The following DCDC2 variants were observed in gnomAD, a reference collection of about 807,000 sequenced individuals.
DCDC2 encodes doublecortin domain containing 2.
In DCDC2, 40 loss-of-function variants were observed where a neutral mutation model predicts 50.2. The ratio of observed to expected loss-of-function variants is 0.80; its 90% CI spans 0.62 to 1.04. DCDC2 has a LOEUF of 1.04. Ranked by LOEUF, DCDC2 falls within the 50% of genes least tolerant of loss-of-function variation. The pLI is 0.00. For synonymous variants in DCDC2, 234 were observed against 210.6 expected, an observed-to-expected ratio of 1.11 and a Z score of -0.96; for missense variants, 570 against 581.9, an observed-to-expected ratio of 0.98 and a Z score of 0.21.
Position 24,172,989 on chromosome 6 carries a change from A to AAAAAAAAAAAATAATAAT in DCDC2, c.*1740_*1741insATTATTATTTTTTTTTTT, listed in dbSNP as rs1554142065. On this transcript the variant is annotated 3_prime_UTR_variant, in exon 10 of 10. Coordinates refer to ENST00000378454, the MANE Select transcript of DCDC2 (RefSeq NM_016356.5). The stretch of plus-strand genomic sequence containing the variant: ...GACAAGAGCAAGACTTCATCTCAAA[A>AAAAAAAAAAAATAATAAT]AATAATAATAATAATAATAATAATA... The AAAAAAAAAAAATAATAAT allele has an allele frequency of 2.1e-5, 3 of 145,952 alleles. No individual in the cohort carries two copies. In the East Asian group the frequency reaches 6.2e-4, roughly 30 times the overall value. 9.0% of individuals were successfully genotyped at this position (145,952 alleles called of 1,614,324 possible).
At chr6:24,350,039 A>G (rs1331450693) in intron 2 of DCDC2, among the ~76,000 whole-genome samples, 1 of 151,998 alleles carries the variant, frequency 6.6e-6, no homozygotes, top group East Asian at 1.9e-4. Flanking sequence ...ATAGGACCCT[A>G]TGCTTCTTTT....
In DCDC2 at chr6:24,326,194, A is replaced by AAGG. The variant is rs1187620964; in HGVS notation, c.349-24151_349-24150insCCT. The stretch of plus-strand genomic sequence containing the variant: ...GGAAGGAAGGAAGGAAGGAAGGAAG[A>AAGG]AAGGAAGGAAGGAAAGAATGAAGGA... On this transcript the variant is annotated intron_variant, in intron 2 of 9. Coordinates refer to ENST00000378454, the MANE Select transcript of DCDC2 (RefSeq NM_016356.5). Among the ~76,000 whole-genome samples, 222 of 72,402 alleles carry AAGG rather than the reference A, an allele frequency of 3.1e-3. 11 individuals are homozygous for AAGG. Among genetic ancestry groups the AAGG allele is most frequent in the Middle Eastern group, 6.2e-3 (1 of 162 alleles). 47.5% of individuals were successfully genotyped at this position (72,402 alleles called of 152,430 possible). A position where few individuals can be genotyped will look rare whatever the true frequency, so the allele number is the denominator to read the frequency against.
intron 7 of DCDC2, among the ~76,000 whole-genome samples, chr6:24,259,392 T>C (rs893894610): frequency 6.6e-6 from 1 of 152,226 alleles, no homozygotes; most frequent in Admixed American, 6.5e-5. Context: ...GAGTAAATAG[T>C]GATATTCGCA....
At chr6:24,372,618 G>C in the DCDC2 span, among the ~76,000 whole-genome samples, 6 of 152,086 alleles carry the variant, frequency 3.9e-5, no homozygotes, top group African/African-American at 1.4e-4. Context: ...CCCTTGTAGG[G>C]ACATGGATGA....
chr6:24,204,396 C>A (rs920140499), intron 8 of DCDC2, among the ~76,000 whole-genome samples: 1 of 152,068 alleles, frequency 6.6e-6, no homozygotes, highest in Non-Finnish European at 1.5e-5. Context: ...AACAGAAAAC[C>A]AAACACTACA....
At chr6:24,203,285 GAT>G (rs1761627977) in intron 8 of DCDC2, among the ~76,000 whole-genome samples, 1 of 152,134 alleles carries the variant, frequency 6.6e-6, no homozygotes, top group African/African-American at 2.4e-5. Context: ...TACCAAAACA[GAT>G]ATATAGACCA....
At chr6:24,267,609 A>G (rs1296799826) in intron 7 of DCDC2, among the ~76,000 whole-genome samples, 1 of 152,190 alleles carries the variant, frequency 6.6e-6, no homozygotes, top group Non-Finnish European at 1.5e-5. Context: ...GCCAAAATGG[A>G]GTCAACCAAG....
intron 4 of DCDC2, among the ~76,000 whole-genome samples, chr6:24,295,709 A>G (rs1468458689): frequency 6.6e-6 from 1 of 152,144 alleles, no homozygotes; most frequent in Non-Finnish European, 1.5e-5. Flanking sequence ...TCAGGAGCAC[A>G]TTTTCATAAT....
chr6:24,265,621 T>C (rs551157072), intron 7 of DCDC2, among the ~76,000 whole-genome samples: 1 of 152,184 alleles, frequency 6.6e-6, no homozygotes, highest in African/African-American at 2.4e-5. Context: ...CTGGAAACTG[T>C]ACAAGTACAT....
At chr6:24,203,418 A>G (rs1324766726) in intron 8 of DCDC2, among the ~76,000 whole-genome samples, 1 of 152,218 alleles carries the variant, frequency 6.6e-6, no homozygotes, top group Non-Finnish European at 1.5e-5. Context: ...GGCGTTGGGA[A>G]AACTGGCTAG....
At position 24,346,356 on chromosome 6, in the gene DCDC2, G is replaced by T. The variant is rs541323501; in HGVS notation, c.348+7213C>A. 2.0e-5 allele frequency among the ~76,000 whole-genome samples: 3 copies of T among 152,248 alleles called. No individual in the cohort carries two copies. The South Asian group carries it at 6.2e-4, about 32-fold the overall frequency. The stretch of plus-strand genomic sequence containing the variant: ...GGCTGGAGCCTGAATTGGCATATAA[G>T]GCCAAGGTATTTTTAAGAGTGGGGA... On this transcript the variant is annotated intron_variant, in intron 2 of 9. Coordinates refer to ENST00000378454, the MANE Select transcript of DCDC2 (RefSeq NM_016356.5).
At chr6:24,312,591 A>G (rs1483160207) in intron 2 of DCDC2, among the ~76,000 whole-genome samples, 1 of 152,094 alleles carries the variant, frequency 6.6e-6, no homozygotes, top group African/African-American at 2.4e-5. Context: ...TGATGAAACC[A>G]CTCATCTCTA....
At chr6:24,257,164 A>T (rs907188326) in intron 7 of DCDC2, among the ~76,000 whole-genome samples, 1 of 152,212 alleles carries the variant, frequency 6.6e-6, no homozygotes, top group Non-Finnish European at 1.5e-5. Flanking sequence ...GTGCCACTGG[A>T]AAATACTTGA....
chr6:24,271,186 T>A (rs1361403173), intron 7 of DCDC2, among the ~76,000 whole-genome samples: 3 of 108,128 alleles, frequency 2.8e-5, no homozygotes, highest in African/African-American at 3.7e-5. Context: ...CCAGCCTGGG[T>A]GACAGAGTGA....
intron 7 of DCDC2, among the ~76,000 whole-genome samples, chr6:24,249,496 C>A (rs1274997818): frequency 6.6e-6 from 1 of 152,174 alleles, no homozygotes; most frequent in Non-Finnish European, 1.5e-5. Context: ...AGTAATGTAG[C>A]TTTTGATAAT....
upstream of DCDC2, among the ~76,000 whole-genome samples, chr6:24,358,937 T>A (rs768111775): frequency 0.19 from 4,053 of 21,422 alleles, 404 homozygotes; most frequent in East Asian, 0.47. Flanking sequence ...ATTATATATT[T>A]TATATATTAT....
chr6:24,354,804 T>A (rs1469852875), intron 1 of DCDC2, among the ~76,000 whole-genome samples: 1 of 152,188 alleles, frequency 6.6e-6, no homozygotes, highest in African/African-American at 2.4e-5. Flanking sequence ...GAATGTATGG[T>A]CTCACATTTG....
At chr6:24,364,736 CAA>C in the DCDC2 span, among the ~76,000 whole-genome samples, 24 of 138,284 alleles carry the variant, frequency 1.7e-4, no homozygotes, top group Admixed American at 1.5e-4. Flanking sequence ...TTCAGATCAG[CAA>C]AAAAAAAAAA....
intron 7 of DCDC2, among the ~76,000 whole-genome samples, chr6:24,240,632 T>C (rs2113791080): frequency 6.6e-6 from 1 of 152,282 alleles, no homozygotes; most frequent in East Asian, 1.9e-4. Flanking sequence ...AATTTCAAAA[T>C]CAAAGTAATA....
Sources: allele counts gnomAD v4.1 joint callset (sites outside exome capture counted in the v4.1 genomes callset), GRCh38; gene constraint gnomAD v4.1.1; transcripts MANE v1.5; gene names NCBI Gene and HGNC (gene_info 2026-07-23, HGNC 2026-07-21).